Variants in ATRN observed in about 807,000 individuals in gnomAD.
The protein encoded by ATRN is attractin.
A neutral mutation model predicts 178.7 loss-of-function variants in ATRN; 54 were observed. The ratio of observed to expected loss-of-function variants is 0.30; its 90% CI spans 0.24 to 0.38. The LOEUF is 0.38. Ranked by LOEUF, ATRN falls within the 10% of genes least tolerant of loss-of-function variation. ATRN has a pLI of 1.00. For synonymous variants in ATRN, 636 were observed against 663.0 expected, an observed-to-expected ratio of 0.96 and a Z score of 0.63; for missense variants, 1,443 against 1,815.1, an observed-to-expected ratio of 0.79 and a Z score of 3.73.
At chr20:3,553,333 C>T (rs137951266) in intron 6 of ATRN, among the ~76,000 whole-genome samples, 3 of 152,256 alleles carry the variant, frequency 2.0e-5, no homozygotes, top group Admixed American at 6.5e-5. Flanking sequence ...TTCTTCTCTT[C>T]GTACCATAAT....
At chr20:3,547,550 T>G in intron 5 of ATRN, 61 bp downstream of exon 5, 1 of 1,324,508 alleles carries the variant, frequency 7.5e-7, no homozygotes, top group Non-Finnish European at 1.1e-6. Flanking sequence ...ACTAAATAAA[T>G]TATAGATTGA....
chr20:3,566,966 G>C (rs902139071), intron 11 of ATRN, among the ~76,000 whole-genome samples: 2 of 150,296 alleles, frequency 1.3e-5, no homozygotes, highest in African/African-American at 4.9e-5. Context: ...TGTTGTGAAG[G>C]AAGAGTTGAG....
At position 3,562,442 on chromosome 20, in the gene ATRN, T is replaced by G. The variant is rs1179195972; in HGVS notation, c.1614T>G (p.Asp538Glu). 10 of 1,614,124 alleles carry G rather than the reference T, an allele frequency of 6.2e-6. No homozygotes were observed. Among genetic ancestry groups the G allele is most frequent in the Non-Finnish European group, 8.5e-6 (10 of 1,179,986 alleles). Residue 538 changes from aspartate (D) to glutamate (E), a missense_variant, in exon 9 of 29, where the codon GAT becomes GAG. Asp to Glu is a conservative substitution (Grantham distance 45). This residue lies in a region of ATRN where 862 missense variants were observed against 972.1 expected (regional missense o/e 0.89). Coordinates refer to ENST00000262919, the MANE Select transcript of ATRN (RefSeq NM_139321.3). ...TTGCAGATGATCTCTACCGATATGATGTGGATACCCAGATGTGGTGGGTAC... is the reference window on the plus strand; with the variant it reads ...TTGCAGATGATCTCTACCGATATGAGGTGGATACCCAGATGTGGTGGGTAC... Reference protein sequence around the residue: ...YRLADDLYRYDVDTQMWTILK... With the variant: ...YRLADDLYRYEVDTQMWTILK...
At chr20:3,478,768 C>T (rs1394048588) in intron 1 of ATRN, among the ~76,000 whole-genome samples, 1 of 152,108 alleles carries the variant, frequency 6.6e-6, no homozygotes, top group Non-Finnish European at 1.5e-5. Flanking sequence ...ATTCCTTTCA[C>T]ATCCCTTTTT....
At position 3,535,351 on chromosome 20, in the gene ATRN, C is replaced by A; in HGVS notation, c.494+15C>A. 6.9e-7 allele frequency: 1 copy of A among 1,459,538 alleles called. No homozygotes were observed. The highest frequency in any genetic ancestry group is 9.2e-7 in the Non-Finnish European group (1 of 1,086,406). 90.4% of individuals were successfully genotyped at this position (1,459,538 alleles called of 1,614,324 possible). A position where few individuals can be genotyped will look rare whatever the true frequency, so the allele number is the denominator to read the frequency against. On this transcript the variant is annotated intron_variant, in intron 2 of 28. Transcript: ENST00000262919. ...ATTGAAGGACAGTAAGTAGAAATGGCTGACTTAATTTTTGTTTTTTTAGCA... is the reference window on the plus strand; with the variant it reads ...ATTGAAGGACAGTAAGTAGAAATGGATGACTTAATTTTTGTTTTTTTAGCA...
chr20:3,639,083 G>C (rs1397032923), intron 27 of ATRN, 148 bp downstream of exon 27: 1 of 579,538 alleles, frequency 1.7e-6, no homozygotes, highest in African/African-American at 1.9e-5. Flanking sequence ...ACCTGAAGTT[G>C]CTGGGTACTC....
chr20:3,552,127 C>T (rs1422563393), intron 6 of ATRN, among the ~76,000 whole-genome samples: 2 of 151,958 alleles, frequency 1.3e-5, no homozygotes, highest in African/African-American at 4.8e-5. Context: ...TTTTTAATTC[C>T]ATATTCCTTC....
At chr20:3,507,291 T>C (rs957987946) in intron 1 of ATRN, among the ~76,000 whole-genome samples, 1 of 151,430 alleles carries the variant, frequency 6.6e-6, no homozygotes, top group Non-Finnish European at 1.5e-5. Context: ...GTGCCTGTAA[T>C]CCCAGCTACT....
chr20:3,623,140 G>A (rs2086909780), intron 24 of ATRN, among the ~76,000 whole-genome samples: 1 of 152,140 alleles, frequency 6.6e-6, no homozygotes, highest in Non-Finnish European at 1.5e-5. Context: ...TTATAACTTG[G>A]ATTCTTCATT....
intron 3 of ATRN, among the ~76,000 whole-genome samples, chr20:3,543,810 ATTAC>A (rs2085660110): frequency 6.6e-6 from 1 of 152,134 alleles, no homozygotes. Flanking sequence ...AGGCAGGAGA[ATTAC>A]TTGATCCCAG....
chr20:3,572,836 A>G lies in ATRN; in HGVS notation c.1977A>G (p.Ala659=), dbSNP rs1238575934. The G allele has an allele frequency of 1.2e-6, 2 of 1,613,430 alleles. No homozygotes were observed. Among genetic ancestry groups the G allele is most frequent in the Non-Finnish European group, 1.7e-6 (2 of 1,179,904 alleles). ...ATCGGAGTGAAGCCGCTTGTTTAGCAGCAGGACCTGGTATTCGGTGTGTGT... is the reference window on the plus strand; with the variant it reads ...ATCGGAGTGAAGCCGCTTGTTTAGCGGCAGGACCTGGTATTCGGTGTGTGT... The part of the protein sequence containing the change: ...DAHRSEAACL[A]AGPGIRCVWN... Residue 659 remains alanine (A), a synonymous_variant, in exon 12 of 29, where the codon GCA becomes GCG. Coordinates refer to ENST00000262919, the MANE Select transcript of ATRN (RefSeq NM_139321.3).
chr20:3,560,477 T>C (rs1273790163), intron 7 of ATRN, among the ~76,000 whole-genome samples, 185 bp from the exon 8 acceptor site: 5 of 152,232 alleles, frequency 3.3e-5, no homozygotes, highest in African/African-American at 7.2e-5. Flanking sequence ...CTCTTTGATA[T>C]GTTCATTTCC....
chr20:3,574,100 A>C (rs1417404863), intron 12 of ATRN, among the ~76,000 whole-genome samples: 1 of 152,220 alleles, frequency 6.6e-6, no homozygotes, highest in Non-Finnish European at 1.5e-5. Context: ...ATGTTGGCTG[A>C]ATTTCTTACT....
At chr20:3,578,473 G>A (rs1215195519) in intron 14 of ATRN, 109 bp from the exon 15 acceptor site, 1 of 977,586 alleles carries the variant, frequency 1.0e-6, no homozygotes, top group East Asian at 2.6e-5. Flanking sequence ...GAAGTACCTA[G>A]AATTTAAATT....
At chr20:3,609,351 T>C (rs1223987147) in intron 24 of ATRN, among the ~76,000 whole-genome samples, 1 of 152,240 alleles carries the variant, frequency 6.6e-6, no homozygotes, top group African/African-American at 2.4e-5. Flanking sequence ...TGCTCCTATA[T>C]AGAAATGATT....
intron 10 of ATRN, 72 bp downstream of exon 10, chr20:3,563,435 C>A: frequency 6.9e-7 from 1 of 1,451,958 alleles, no homozygotes; most frequent in Admixed American, 2.0e-5. Context: ...TAAAAGGAGA[C>A]TGAAAATATT....
At chr20:3,626,779 TTC>T (rs2086943676) in intron 25 of ATRN, among the ~76,000 whole-genome samples, 1 of 105,350 alleles carries the variant, frequency 9.5e-6, no homozygotes, top group Admixed American at 1.1e-4. Flanking sequence ...TATGAATTAT[TTC>T]TTTTTTTTTT....
rs752100899 is a variant in ATRN, at chr20:3,584,630, CT to C, written c.2951-6del. The C allele has an allele frequency of 0.011, 11,753 of 1,095,146 alleles. No homozygotes were observed. The highest frequency in any genetic ancestry group is 0.016 in the South Asian group (952 of 57,946). 67.8% of individuals were successfully genotyped at this position (1,095,146 alleles called of 1,614,324 possible). On this transcript the variant is annotated splice_polypyrimidine_tract_variant and intron_variant, in intron 17 of 28. Transcript: ENST00000262919. ...ATCTACCTGTGATAGTCAATTGCAA[CT>C]TTTTTTTTTTAATAGCTGAAAATTG...
intron 16 of ATRN, among the ~76,000 whole-genome samples, chr20:3,582,898 T>A (rs1164863698): frequency 1.3e-5 from 2 of 152,156 alleles, no homozygotes; most frequent in East Asian, 3.9e-4. Flanking sequence ...GCTTCCCAGC[T>A]TTCAGTCTCT....
Sources: gnomAD v4.1 joint callset for allele counts (sites outside exome capture counted in the v4.1 genomes callset) on GRCh38, gnomAD v4.1.1 for gene constraint, gnomAD v4.1.1 regional missense constraint, MANE v1.5 for transcripts, NCBI Gene and HGNC (gene_info 2026-07-23, HGNC 2026-07-21) for gene names.